TCERG1L: variants seen among roughly 807,000 people sequenced by gnomAD.
TCERG1L encodes transcription elongation regulator 1-like protein.
In TCERG1L, 37 loss-of-function variants were observed where a neutral mutation model predicts 56.3. That is an observed-to-expected ratio of 0.66 (90% CI 0.51 to 0.87). The LOEUF is 0.87. Among genes scored for constraint, TCERG1L ranks in the 40% least tolerant of loss-of-function variants. The probability of loss-of-function intolerance (pLI) is 0.00; values close to 1 mark genes in which losing one functional copy is unlikely to be tolerated. For synonymous variants in TCERG1L, 324 were observed against 326.3 expected, an observed-to-expected ratio of 0.99 and a Z score of 0.08; for missense variants, 799 against 774.2, an observed-to-expected ratio of 1.03 and a Z score of -0.38.
intron 3 of TCERG1L, among the ~76,000 whole-genome samples, chr10:131,269,884 G>A (rs983815840): frequency 4.6e-5 from 7 of 152,190 alleles, no homozygotes; most frequent in African/African-American, 1.7e-4. Flanking sequence ...ACAATAAAGA[G>A]AAGTGTGCCT....
chr10:131,233,536 C>G (rs1845877219), intron 4 of TCERG1L, among the ~76,000 whole-genome samples: 3 of 152,012 alleles, frequency 2.0e-5, no homozygotes, highest in Admixed American at 2.0e-4. Context: ...TGCATTGCGG[C>G]TTTTGTTTCA....
rs569588412 is a variant in TCERG1L, at chr10:131,118,744, C to G, written c.1260-1810G>C. On this transcript the variant is annotated intron_variant, in intron 8 of 11. Coordinates refer to ENST00000368642, the MANE Select transcript of TCERG1L (RefSeq NM_174937.4). This position sits in a 1 kb window ranked among gnomAD's most constrained non-coding sequence, Gnocchi z 4.2. ...TGCCAAATTTGGAATTGAGCCTGGT[C>G]TCTTTTCCTCCTTTGCAACAGTCTT... 2.6e-5 allele frequency among the ~76,000 whole-genome samples: 4 copies of G among 152,322 alleles called. No individual in the cohort carries two copies. Among genetic ancestry groups the G allele is most frequent in the African/African-American group, 9.6e-5 (4 of 41,590 alleles).
intron 4 of TCERG1L, among the ~76,000 whole-genome samples, chr10:131,190,702 T>C (rs1305203999): frequency 7.0e-6 from 1 of 143,694 alleles, no homozygotes; most frequent in East Asian, 1.9e-4. Flanking sequence ...AAACTAGGCA[T>C]AGAAGGGACC....
At chr10:131,158,690 G>A (rs1422355195) in intron 6 of TCERG1L, among the ~76,000 whole-genome samples, 3 of 152,230 alleles carry the variant, frequency 2.0e-5, no homozygotes, top group Non-Finnish European at 4.4e-5. Flanking sequence ...CGTAGACAGA[G>A]GATCTAATTC....
At chr10:131,245,232 A>C (rs548002973) in intron 4 of TCERG1L, among the ~76,000 whole-genome samples, 7 of 152,290 alleles carry the variant, frequency 4.6e-5, no homozygotes, top group Non-Finnish European at 8.8e-5. Context: ...AGTGTCAGCA[A>C]AACCTAATTA....
At chr10:131,194,674 A>G (rs1372698271) in intron 4 of TCERG1L, among the ~76,000 whole-genome samples, 2 of 151,924 alleles carry the variant, frequency 1.3e-5, no homozygotes. Flanking sequence ...CATTTTTTGC[A>G]CGGTGGTCTT....
chr10:131,248,941 C>T (rs1414284736), intron 4 of TCERG1L, among the ~76,000 whole-genome samples: 2 of 152,342 alleles, frequency 1.3e-5, no homozygotes, highest in East Asian at 1.9e-4. Flanking sequence ...TGCCCTAGGC[C>T]GCCCTCGGCA....
intron 6 of TCERG1L, among the ~76,000 whole-genome samples, chr10:131,159,729 T>G (rs991285962): frequency 1.3e-5 from 2 of 152,094 alleles, no homozygotes; most frequent in African/African-American, 4.8e-5. Context: ...AGACGCAGGC[T>G]GCAGTGTGAG....
intron 6 of TCERG1L, among the ~76,000 whole-genome samples, chr10:131,149,499 C>T (rs1845840301): frequency 6.6e-6 from 1 of 152,194 alleles, no homozygotes; most frequent in South Asian, 2.1e-4. Flanking sequence ...CCACACTGTG[C>T]TGTAAATTAT....
At chr10:131,102,525 C>T (rs936913419) in intron 10 of TCERG1L, among the ~76,000 whole-genome samples, 2 of 152,172 alleles carry the variant, frequency 1.3e-5, no homozygotes, top group African/African-American at 2.4e-5. Context: ...TGGCAATTCC[C>T]ATACCCTCCG....
intron 11 of TCERG1L, among the ~76,000 whole-genome samples, chr10:131,093,918 C>T (rs1182663177): frequency 1.3e-5 from 2 of 152,202 alleles, no homozygotes; most frequent in African/African-American, 4.8e-5. Context: ...GAGACATTAT[C>T]TGCTTCGTTC....
At chr10:131,237,845 C>T (rs1193507674) in intron 4 of TCERG1L, among the ~76,000 whole-genome samples, 1 of 152,154 alleles carries the variant, frequency 6.6e-6, no homozygotes, top group Admixed American at 6.5e-5. Flanking sequence ...TGCAAGTCTT[C>T]GTGTTCTTTG....
Position 131,311,632 on chromosome 10 carries a change from G to T in TCERG1L, c.4C>A (p.Gln2Lys), listed in dbSNP as rs960207433. 2 of 1,133,910 alleles carry T rather than the reference G, an allele frequency of 1.8e-6. No homozygotes were observed. The highest frequency in any genetic ancestry group is 2.2e-6 in the Non-Finnish European group (2 of 926,426). 70.2% of individuals were successfully genotyped at this position (1,133,910 alleles called of 1,614,324 possible). A position where few individuals can be genotyped will look rare whatever the true frequency, so the allele number is the denominator to read the frequency against. M[Q>K]AGARFQRRRR... ...CGCCGCTGGAACCTGGCGCCCGCCT[G>T]CATCCTACATCCCCGCGCTGACGGC... The change falls in exon 1 of 12, where the codon CAG (glutamine) becomes AAG (lysine). Residue 2 changes from glutamine (Q) to lysine (K), a missense_variant. Transcript: ENST00000368642. This position sits in a 1 kb window ranked among gnomAD's most constrained non-coding sequence, Gnocchi z 4.0.
At chr10:131,283,865 T>C (rs1364557831) in intron 3 of TCERG1L, among the ~76,000 whole-genome samples, 2 of 152,080 alleles carry the variant, frequency 1.3e-5, no homozygotes, top group African/African-American at 4.8e-5. Flanking sequence ...CTGGGCACAG[T>C]GGCTCCCATC....
At chr10:131,125,036 G>A (rs142381826) in intron 8 of TCERG1L, among the ~76,000 whole-genome samples, 117 of 152,304 alleles carry the variant, frequency 7.7e-4, no homozygotes, top group African/African-American at 2.6e-3. Context: ...CACTGTCCAG[G>A]TGGAAAAACT....
chr10:131,243,592 T>C (rs1355505499), intron 4 of TCERG1L, among the ~76,000 whole-genome samples: 2 of 152,090 alleles, frequency 1.3e-5, no homozygotes, highest in African/African-American at 4.8e-5. Flanking sequence ...AAACAAATAA[T>C]ACACATGCAC....
intron 4 of TCERG1L, among the ~76,000 whole-genome samples, chr10:131,172,202 A>T (rs771666588): frequency 2.0e-5 from 3 of 152,110 alleles, no homozygotes; most frequent in Non-Finnish European, 2.9e-5. Flanking sequence ...CTGTAAGAAC[A>T]TGCGTCTTCT....
At chr10:131,168,322 C>G (rs1846053236) in intron 4 of TCERG1L, among the ~76,000 whole-genome samples, 1 of 152,186 alleles carries the variant, frequency 6.6e-6, no homozygotes, top group African/African-American at 2.4e-5. Context: ...CAAACTGGGG[C>G]CCCTCTGCAG....
intron 7 of TCERG1L, among the ~76,000 whole-genome samples, chr10:131,137,175 AGGGCACCCT>A (rs1046424284): frequency 3.3e-5 from 5 of 152,018 alleles, no homozygotes; most frequent in East Asian, 3.9e-4. Flanking sequence ...CAAAAAACCG[AGGGCACCCT>A]GGGCACCCTG....
Sources: allele counts gnomAD v4.1 joint callset (sites outside exome capture counted in the v4.1 genomes callset), GRCh38; gene constraint gnomAD v4.1.1; non-coding constraint Gnocchi (gnomAD v3.1); transcripts MANE v1.5; gene names NCBI Gene and HGNC (gene_info 2026-07-23, HGNC 2026-07-21).